CLIP2: variants seen among roughly 807,000 people sequenced by gnomAD.
The protein encoded by CLIP2 is CAP-Gly domain-containing linker protein 2.
CLIP2 carries 41 observed loss-of-function variants against 111.7 expected under a neutral mutation model. That is an observed-to-expected ratio of 0.37 (90% CI 0.29 to 0.48). CLIP2 has a LOEUF of 0.48. Ranked by LOEUF, CLIP2 falls within the 20% of genes least tolerant of loss-of-function variation. The pLI is 0.99. For missense variants in CLIP2, 1,160 were observed against 1,422.1 expected, an observed-to-expected ratio of 0.82 and a Z score of 2.96; for synonymous variants, 660 against 644.2, an observed-to-expected ratio of 1.02 and a Z score of -0.37.
chr7:74,320,035 A>T (rs1788901980), intron 2 of CLIP2, among the ~76,000 whole-genome samples: 1 of 149,896 alleles, frequency 6.7e-6, no homozygotes, highest in Non-Finnish European at 1.5e-5. Context: ...GGCCAACATG[A>T]TGAAACCCTG....
chr7:74,307,780 C>T (rs782610245), intron 1 of CLIP2, among the ~76,000 whole-genome samples: 2 of 152,160 alleles, frequency 1.3e-5, no homozygotes, highest in African/African-American at 4.8e-5. Context: ...CATGAGCCAC[C>T]GTGCCCGGCA....
Position 74,404,138 on chromosome 7 carries a change from G to C in CLIP2, c.*290G>C, listed in dbSNP as rs1203636126. 2.9e-5 allele frequency: 13 copies of C among 449,964 alleles called. No homozygotes were observed. The highest frequency in any genetic ancestry group is 2.2e-4 in the African/African-American group (11 of 50,312). The allele number at this position is 449,964 out of a possible 1,614,324, so 27.9% of individuals were successfully genotyped here. ...CTTCTGGAGTTTGTCAGTGGAGGCA[G>C]AGGGGATCCGGCCAGGCCCCTCTGT... On this transcript the variant is annotated 3_prime_UTR_variant, in exon 17 of 17. Transcript: ENST00000223398.
At chr7:74,348,876 A>T (rs1789890327) in intron 3 of CLIP2, among the ~76,000 whole-genome samples, 1 of 149,360 alleles carries the variant, frequency 6.7e-6, no homozygotes, top group South Asian at 2.1e-4. Context: ...GTCAGGCGTG[A>T]TGGCTCATGC....
In CLIP2 at chr7:74,312,861, G is replaced by A. The variant is rs977806049; in HGVS notation, c.-67-4619G>A. 2.6e-5 allele frequency among the ~76,000 whole-genome samples: 4 copies of A among 152,162 alleles called. No individual in the cohort carries two copies. The South Asian group carries it at 8.3e-4, about 32-fold the overall frequency. On this transcript the variant is annotated intron_variant, in intron 1 of 16. Coordinates refer to ENST00000223398, the MANE Select transcript of CLIP2 (RefSeq NM_003388.5). ...CTCTTAAAACTGCCAGTCTGAGGGA[G>A]GAAGTGATCCTTCACTCGGATGTGC...
intron 1 of CLIP2, among the ~76,000 whole-genome samples, chr7:74,296,518 G>T (rs782591981): frequency 6.8e-6 from 1 of 147,712 alleles, no homozygotes; most frequent in African/African-American, 2.5e-5. Flanking sequence ...GGCCGAGCAC[G>T]GTGGCTCACG....
intron 6 of CLIP2, among the ~76,000 whole-genome samples, chr7:74,357,975 T>C (rs1342583585): frequency 1.3e-5 from 2 of 151,700 alleles, no homozygotes; most frequent in African/African-American, 4.8e-5. Context: ...CAGGCTGGTC[T>C]CGAACTCCTG....
In CLIP2 at chr7:74,338,246, A is replaced by G. The variant is rs1352498884; in HGVS notation, c.122-202A>G. ...GTTGGGTGTGGTGCCTCACGCCTGTAATCCCAGCAATTTGGGAAGCCAAGG... is the reference window on the plus strand; with the variant it reads ...GTTGGGTGTGGTGCCTCACGCCTGTGATCCCAGCAATTTGGGAAGCCAAGG... On this transcript the variant is annotated intron_variant, in intron 2 of 16. Transcript: ENST00000223398. The surrounding 1 kb of genome is among the most constrained non-coding windows in gnomAD (Gnocchi z 4.3). 6.6e-6 allele frequency among the ~76,000 whole-genome samples: 1 copy of G among 152,050 alleles called. No individual in the cohort carries two copies. The highest frequency in any genetic ancestry group is 2.4e-5 in the African/African-American group (1 of 41,422).
At position 74,405,451 on chromosome 7, in the gene CLIP2, T is replaced by G. The variant is rs1791747661; in HGVS notation, c.*1603T>G. On this transcript the variant is annotated 3_prime_UTR_variant, in exon 17 of 17. Transcript: ENST00000223398. ...ATGAGTGCCACCTGGTACAGGTAGG[T>G]GGCGCTCACGTTCCTGCCCAAATGC... The G allele has an allele frequency of 6.6e-6, 1 of 152,524 alleles. No individual in the cohort carries two copies. 9.4% of individuals were successfully genotyped at this position (152,524 alleles called of 1,614,324 possible).
intron 1 of CLIP2, among the ~76,000 whole-genome samples, chr7:74,297,963 T>C (rs1205027648): frequency 6.6e-6 from 1 of 151,766 alleles, no homozygotes; most frequent in African/African-American, 2.4e-5. Context: ...ACTAAACATG[T>C]ATTTTTGAGC....
chr7:74,374,626 C>G (rs879981997), intron 9 of CLIP2, among the ~76,000 whole-genome samples: 11 of 152,108 alleles, frequency 7.2e-5, no homozygotes, highest in Admixed American at 5.2e-4. Context: ...GAGGCTGAGA[C>G]AGGAGAATCA....
At chr7:74,319,908 A>T (rs1788898350) in intron 2 of CLIP2, among the ~76,000 whole-genome samples, 1 of 151,772 alleles carries the variant, frequency 6.6e-6, no homozygotes, top group Non-Finnish European at 1.5e-5. Flanking sequence ...TCTGAAGGAC[A>T]CAGGGTTTGG....
At chr7:74,349,470 G>GTGTGTA (rs1181485819) in intron 3 of CLIP2, among the ~76,000 whole-genome samples, 36 of 33,772 alleles carry the variant, frequency 1.1e-3, no homozygotes, top group African/African-American at 2.1e-3. Flanking sequence ...GTGTGTGTGT[G>GTGTGTA]TATATATATA....
chr7:74,292,433 C>A, intron 1 of CLIP2, among the ~76,000 whole-genome samples: 1 of 152,218 alleles, frequency 6.6e-6, no homozygotes, highest in East Asian at 1.9e-4. Flanking sequence ...GTCGCCCAGG[C>A]TGGAGTGCAG....
chr7:74,370,614 C>A (rs1446514994), intron 8 of CLIP2, among the ~76,000 whole-genome samples: 4 of 145,624 alleles, frequency 2.7e-5, no homozygotes, highest in African/African-American at 1.0e-4. Context: ...CACCACCACC[C>A]CCCTGCCTTG....
chr7:74,314,684 C>T (rs797040757), intron 1 of CLIP2, among the ~76,000 whole-genome samples: 5 of 152,338 alleles, frequency 3.3e-5, no homozygotes, highest in African/African-American at 1.2e-4. Flanking sequence ...CCCCATTGGA[C>T]GGTGCTCCCC....
rs1197151458 is a variant in CLIP2 at position 74,305,857 on chromosome 7, C to G, written c.-67-11623C>G. Among the ~76,000 whole-genome samples the G allele has an allele frequency of 7.6e-5, 8 of 105,894 alleles. 1 individual carries two copies. Among genetic ancestry groups the G allele is most frequent in the Non-Finnish European group, 1.4e-4 (8 of 56,694 alleles). The allele number at this position is 105,894 out of a possible 152,430, so 69.5% of individuals were successfully genotyped here. ...CTGGCTTCTCTCCCTGCACCCCAAC[C>G]CCCCCCCACCGCCCCTGCTGCCAGT... On this transcript the variant is annotated intron_variant, in intron 1 of 16. Transcript: ENST00000223398.
chr7:74,401,573 G>A lies in CLIP2; in HGVS notation c.3129+6G>A, dbSNP rs1791621718. 1.2e-6 allele frequency: 2 copies of A among 1,613,312 alleles called. No homozygotes were observed. The highest frequency in any genetic ancestry group is 1.1e-5 in the South Asian group (1 of 90,988). On this transcript the variant is annotated splice_donor_region_variant and intron_variant, in intron 16 of 16. Coordinates refer to ENST00000223398, the MANE Select transcript of CLIP2 (RefSeq NM_003388.5). The stretch of plus-strand genomic sequence containing the variant: ...ACAAAGCTCAGAAACAAGAGGTGAG[G>A]GGCGCCTCGGGCCTCCCAGGTCCCT...
chr7:74,314,167 G>A (rs528152000), intron 1 of CLIP2, among the ~76,000 whole-genome samples: 1 of 130,608 alleles, frequency 7.7e-6, no homozygotes, highest in Admixed American at 8.8e-5. Flanking sequence ...GGGTGTCAAA[G>A]TGACTCTGTC....
In CLIP2 at chr7:74,331,635, G is replaced by A. The variant is rs141169207; in HGVS notation, c.122-6813G>A. 2.0e-3 allele frequency among the ~76,000 whole-genome samples: 278 copies of A among 139,908 alleles called. 1 individual carries two copies. Among genetic ancestry groups the A allele is most frequent in the African/African-American group, 4.2e-3 (157 of 37,316 alleles). 91.8% of individuals were successfully genotyped at this position (139,908 alleles called of 152,430 possible). A position where few individuals can be genotyped will look rare whatever the true frequency, so the allele number is the denominator to read the frequency against. On this transcript the variant is annotated intron_variant, in intron 2 of 16. Transcript: ENST00000223398. ...CCCAGACTGGAGTGAGTGCAGTGGC[G>A]TGATCTCGGCTCACTGCAGCCTCTG...
Sources: gnomAD v4.1 joint callset for allele counts (sites outside exome capture counted in the v4.1 genomes callset) on GRCh38, gnomAD v4.1.1 for gene constraint, Gnocchi (gnomAD v3.1) non-coding constraint, MANE v1.5 for transcripts, NCBI Gene and HGNC (gene_info 2026-07-23, HGNC 2026-07-21) for gene names.